DENR: variants seen among roughly 807,000 people sequenced by gnomAD.
DENR encodes the protein density-regulated protein.
In DENR, 6 loss-of-function variants were observed where a neutral mutation model predicts 30.6. The ratio of observed to expected loss-of-function variants is 0.20; its 90% CI spans 0.11 to 0.39. DENR has a LOEUF of 0.39. Ranked by LOEUF, DENR falls within the 10% of genes least tolerant of loss-of-function variation. The pLI, the probability that DENR is intolerant of heterozygous loss-of-function variation, is 1.00. For synonymous variants in DENR, 78 were observed against 72.1 expected, an observed-to-expected ratio of 1.08 and a Z score of -0.41; for missense variants, 141 against 230.9, an observed-to-expected ratio of 0.61 and a Z score of 2.52.
At chr12:122,768,977 C>T in intron 7 of DENR, 56 bp downstream of exon 7, 1 of 1,605,306 alleles carries the variant, frequency 6.2e-7, no homozygotes, top group African/African-American at 1.3e-5. Flanking sequence ...CAAATTGCTT[C>T]CATTTTTTCT....
intron 2 of DENR, among the ~76,000 whole-genome samples, chr12:122,760,983 C>CAA (rs1202736908): frequency 6.6e-6 from 1 of 152,154 alleles, no homozygotes; most frequent in Non-Finnish European, 1.5e-5. Flanking sequence ...CATAGTGGCT[C>CAA]ACGCTTATAG....
chr12:122,763,062 GTTCTCTCTGAGA>G (rs1407098231), intron 4 of DENR, 133 bp downstream of exon 4: 1 of 613,148 alleles, frequency 1.6e-6, no homozygotes, highest in African/African-American at 1.9e-5. Context: ...AGCTGTTTAA[GTTCTCTCTGAGA>G]TAGGATAGGT....
chr12:122,766,125 T>G (rs966675950), intron 5 of DENR, among the ~76,000 whole-genome samples: 3 of 152,110 alleles, frequency 2.0e-5, no homozygotes, highest in African/African-American at 7.2e-5. Flanking sequence ...GCCAGATTTC[T>G]TTACTAAGGC....
intron 3 of DENR, among the ~76,000 whole-genome samples, chr12:122,762,466 T>C (rs556264614): frequency 6.6e-6 from 1 of 152,336 alleles, no homozygotes; most frequent in East Asian, 1.9e-4. Context: ...AATAGTCAGC[T>C]AATAAAATAA....
chr12:122,754,245 G>A, intron 2 of DENR: 2 of 216,190 alleles, frequency 9.3e-6, no homozygotes, highest in South Asian at 1.5e-4. Context: ...TTTGTCTGGT[G>A]TATCGTATAG....
intron 2 of DENR, among the ~76,000 whole-genome samples, chr12:122,758,226 C>T (rs956579363): frequency 5.3e-5 from 8 of 152,144 alleles, no homozygotes; most frequent in South Asian, 2.1e-4. Context: ...CGCCTGCCAC[C>T]GTGCCTGGCT....
rs1555252707 is a variant in DENR, at chr12:122,769,514, C to CT, written c.*448dup. 0.036 allele frequency: 21,698 copies of CT among 607,398 alleles called. No individual in the cohort carries two copies. The highest frequency in any genetic ancestry group is 0.041 in the Non-Finnish European group (19,801 of 488,664). The allele number at this position is 607,398 out of a possible 1,614,324, so 37.6% of individuals were successfully genotyped here. On this transcript the variant is annotated 3_prime_UTR_variant, in exon 8 of 8. Coordinates refer to ENST00000280557, the MANE Select transcript of DENR (RefSeq NM_003677.5). ...TGACTTTCTCTCTCTCTCTCTCTCT[C>CT]TTTTTTTTTTTTGACAGAGTCTCGC... is the stretch of plus-strand genomic sequence containing the variant.
At chr12:122,763,398 C>CA (rs11286951) in intron 4 of DENR, 7 of 150,562 alleles carry the variant, frequency 4.6e-5, no homozygotes, top group Non-Finnish European at 8.8e-5. Context: ...GACTCCGTCT[C>CA]AAAAAAAAAA....
Position 122,753,726 on chromosome 12 carries a change from A to C in DENR, c.25A>C (p.Ser9Arg), listed in dbSNP as rs1475173453. ...AATGGCTGCTGACATTTCTGAATCC[A>C]GCGGGGCTGACTGCAAAGGAGACCC... The part of the protein sequence containing the change: MAADISES[S>R]GADCKGDPRN... The change falls in exon 2 of 8, where the codon AGC (serine) becomes CGC (arginine). Residue 9 changes from serine (S) to arginine (R), a missense_variant. By Grantham distance (110) the Ser-to-Arg change is moderately radical. Around this residue, in one of 2 missense-constraint regions of DENR, gnomAD observed 104 missense variants for 138.3 expected, o/e 0.75. Transcript: ENST00000280557. The C allele has an allele frequency of 1.2e-6, 2 of 1,613,890 alleles. No homozygotes were observed. The highest frequency in any genetic ancestry group is 2.7e-5 in the African/African-American group (2 of 74,924).
At chr12:122,755,349 G>GCAGGCAGAT (rs1878520052) in intron 2 of DENR, among the ~76,000 whole-genome samples, 1 of 152,192 alleles carries the variant, frequency 6.6e-6, no homozygotes, top group Admixed American at 6.5e-5. Flanking sequence ...GGAGGCTGAG[G>GCAGGCAGAT]CAGGCAGATC....
At chr12:122,754,144 T>TGA (rs1479883545) in intron 2 of DENR, 4 of 310,930 alleles carry the variant, frequency 1.3e-5, no homozygotes, top group African/African-American at 8.5e-5. Flanking sequence ...AAGGACTGGA[T>TGA]GAGAAGGTGG....
Position 122,769,411 on chromosome 12 carries a change from A to G in DENR, c.*333A>G. On this transcript the variant is annotated 3_prime_UTR_variant, in exon 8 of 8. Transcript: ENST00000280557. ...AAGGCTGCTTGTTTTTTTATTGCCA[A>G]AGTCAAATAAACGGGAGACTGTCAT... 1.0e-6 allele frequency: 1 copy of G among 987,014 alleles called. No homozygotes were observed. The highest frequency in any genetic ancestry group is 1.2e-6 in the Non-Finnish European group (1 of 831,090). The allele number at this position is 987,014 out of a possible 1,614,324, so 61.1% of individuals were successfully genotyped here. A position where few individuals can be genotyped will look rare whatever the true frequency, so the allele number is the denominator to read the frequency against.
chr12:122,757,204 C>T (rs751630335), intron 2 of DENR, among the ~76,000 whole-genome samples: 1 of 152,102 alleles, frequency 6.6e-6, no homozygotes, highest in Non-Finnish European at 1.5e-5. Flanking sequence ...AAGAAGGATG[C>T]AAATTAGAGA....
rs1878941748 is a variant in DENR, at chr12:122,769,233, T to C, written c.*155T>C. On this transcript the variant is annotated 3_prime_UTR_variant, in exon 8 of 8. Coordinates refer to ENST00000280557, the MANE Select transcript of DENR (RefSeq NM_003677.5). The stretch of plus-strand genomic sequence containing the variant: ...ATATACACATGTATATATACATGTG[T>C]GTATGTATACATGTATATATATATA... 1 of 782,170 alleles carries C rather than the reference T, an allele frequency of 1.3e-6. No individual in the cohort carries two copies. 48.5% of individuals were successfully genotyped at this position (782,170 alleles called of 1,614,324 possible). A position where few individuals can be genotyped will look rare whatever the true frequency, so the allele number is the denominator to read the frequency against.
intron 3 of DENR, 45 bp downstream of exon 3, chr12:122,762,251 T>C: frequency 7.8e-7 from 1 of 1,288,534 alleles, no homozygotes; most frequent in Non-Finnish European, 1.1e-6. Context: ...TTTGAAGTTA[T>C]TCTTGGTTTT....
chr12:122,754,179 A>T, intron 2 of DENR: 1 of 257,558 alleles, frequency 3.9e-6, no homozygotes, highest in Non-Finnish European at 7.8e-6. Context: ...GACAAAGCGC[A>T]CGACTATGTA....
chr12:122,768,699 A>C (rs995360446), intron 6 of DENR, 83 bp from the exon 7 acceptor site: 4 of 1,235,110 alleles, frequency 3.2e-6, no homozygotes, highest in Non-Finnish European at 4.4e-6. Flanking sequence ...TGATTTTAAA[A>C]TGCAGATTAA....
intron 2 of DENR, among the ~76,000 whole-genome samples, chr12:122,756,801 T>C (rs1243744230): frequency 1.3e-5 from 2 of 152,176 alleles, no homozygotes; most frequent in African/African-American, 2.4e-5. Flanking sequence ...TTGTAAGTCA[T>C]TGAAAGTTTT....
intron 2 of DENR, among the ~76,000 whole-genome samples, chr12:122,757,901 A>T (rs1878592342): frequency 6.6e-6 from 1 of 152,082 alleles, no homozygotes; most frequent in Non-Finnish European, 1.5e-5. Context: ...AATCTTTTCC[A>T]CCCTCCTCCC....
Sources: gnomAD v4.1 joint callset for allele counts (sites outside exome capture counted in the v4.1 genomes callset) on GRCh38, gnomAD v4.1.1 for gene constraint, gnomAD v4.1.1 regional missense constraint, MANE v1.5 for transcripts, NCBI Gene and HGNC (gene_info 2026-07-23, HGNC 2026-07-21) for gene names.